DGAT2: variants seen among roughly 807,000 people sequenced by gnomAD.
DGAT2 encodes the protein diacylglycerol O-acyltransferase 2.
Under a neutral mutation model 48.4 loss-of-function variants are expected in DGAT2, and 33 were observed. The ratio of observed to expected loss-of-function variants is 0.68; its 90% CI spans 0.52 to 0.91. The LOEUF is 0.91. DGAT2 is among the 40% of genes least tolerant of loss of function. The pLI is 0.00. For missense variants in DGAT2, 446 were observed against 493.7 expected (o/e 0.90, Z 0.92); for synonymous variants, 191 against 194.1 (o/e 0.98, Z 0.13).
intron 4 of DGAT2, among the ~76,000 whole-genome samples, chr11:75,791,498 C>T (rs754820143): frequency 2.6e-5 from 4 of 152,166 alleles, no homozygotes; most frequent in Non-Finnish European, 5.9e-5. Context: ...CATCATAGGA[C>T]CCAACCCTCT....
intron 4 of DGAT2, chr11:75,795,640 G>A (rs575758157): frequency 4.8e-4 from 74 of 153,036 alleles, no homozygotes; most frequent in Middle Eastern, 3.4e-3. Context: ...CTGGCACAGG[G>A]CTGTCGCTTG....
intron 1 of DGAT2, among the ~76,000 whole-genome samples, chr11:75,774,657 A>G (rs1458531182): frequency 6.6e-6 from 1 of 152,160 alleles, no homozygotes; most frequent in Non-Finnish European, 1.5e-5. Context: ...TCTTGAGGTC[A>G]GCCACCTCCT....
At chr11:75,785,441 A>C (rs772290848) in intron 2 of DGAT2, among the ~76,000 whole-genome samples, 1 of 152,190 alleles carries the variant, frequency 6.6e-6, no homozygotes, top group Non-Finnish European at 1.5e-5. Flanking sequence ...GCTCCCTGCT[A>C]TCTCTCAGCA....
chr11:75,781,851 C>T (rs1180473136), intron 1 of DGAT2, among the ~76,000 whole-genome samples: 1 of 152,254 alleles, frequency 6.6e-6, no homozygotes, highest in East Asian at 1.9e-4. Flanking sequence ...AGATGGCGTG[C>T]GTTTCCTGCG....
chr11:75,783,227 G>A (rs1250254935), intron 1 of DGAT2, among the ~76,000 whole-genome samples: 1 of 152,174 alleles, frequency 6.6e-6, no homozygotes, highest in Non-Finnish European at 1.5e-5. Context: ...ATAGTGAGTA[G>A]AACCAAAGTC....
chr11:75,773,486 C>G (rs1342120531), intron 1 of DGAT2, among the ~76,000 whole-genome samples: 1 of 152,168 alleles, frequency 6.6e-6, no homozygotes, highest in Non-Finnish European at 1.5e-5. Flanking sequence ...AAAATAGGGT[C>G]AGAATTCTCA....
chr11:75,788,366 T>C (rs1944945304), intron 2 of DGAT2, among the ~76,000 whole-genome samples: 1 of 152,208 alleles, frequency 6.6e-6, no homozygotes, highest in African/African-American at 2.4e-5. Flanking sequence ...AACAGGCTCT[T>C]GTAGGCTGCA....
rs1257227970 is a variant in DGAT2, at chr11:75,796,485, C to T, written c.587C>T (p.Ala196Val). The change falls in exon 5 of 8, where the codon GCA (alanine) becomes GTA (valine). Residue 196 changes from alanine (A) to valine (V), a missense_variant. By Grantham distance (64) the Ala-to-Val change is moderately conservative. Transcript: ENST00000228027. ...PGIRPYLATL[A>V]GNFRMPVLRE... ...ATACGGCCTTACCTGGCTACACTGG[C>T]AGGCAACTTCCGAATGCCTGTGTTG... is the stretch of plus-strand genomic sequence containing the variant. The T allele has an allele frequency of 4.3e-6, 7 of 1,613,728 alleles. No homozygotes were observed. Among genetic ancestry groups the T allele is most frequent in the Non-Finnish European group, 5.9e-6 (7 of 1,180,030 alleles).
chr11:75,776,345 C>G (rs1565313663), intron 1 of DGAT2: 1 of 152,240 alleles, frequency 6.6e-6, no homozygotes, highest in Non-Finnish European at 1.5e-5. Context: ...AGACATGGTC[C>G]CTGCAAATGC....
At chr11:75,797,888 C>A (rs1034922383) in intron 6 of DGAT2, among the ~76,000 whole-genome samples, 1 of 152,132 alleles carries the variant, frequency 6.6e-6, no homozygotes, top group Non-Finnish European at 1.5e-5. Flanking sequence ...GAGTCCAGGG[C>A]TGAGAGAGGC....
intron 2 of DGAT2, among the ~76,000 whole-genome samples, chr11:75,788,874 C>T (rs1944952577): frequency 6.6e-6 from 1 of 152,200 alleles, no homozygotes; most frequent in African/African-American, 2.4e-5. Context: ...GGGAAATTCA[C>T]AGGCAAGAGA....
chr11:75,797,259 A>G lies in DGAT2; in HGVS notation c.736A>G (p.Ser246Gly), dbSNP rs985404193. The G allele has an allele frequency of 1.9e-6, 3 of 1,580,630 alleles. No homozygotes were observed. The highest frequency in any genetic ancestry group is 1.4e-5 in the African/African-American group (1 of 73,058). ...GGTCGGGGGTGCGGCTGAGTCTCTG[A>G]GCTCCATGCCTGGCAAGAATGCAGT... ...IVVGGAAESL[S>G]SMPGKNAVTL... Residue 246 changes from serine to glycine, a missense_variant, in exon 6 of 8, where the codon AGC (serine) becomes GGC (glycine). Physicochemically the swap from Ser to Gly is moderately conservative, Grantham distance 56 (BLOSUM62 0). Transcript: ENST00000228027.
rs376932526 is a variant in DGAT2, at chr11:75,797,176, G to A, written c.653G>A (p.Arg218Gln). Residue 218 changes from arginine (R) to glutamine (Q), a missense_variant, in exon 6 of 8, where the codon CGG becomes CAG. Physicochemically the swap from Arg to Gln is conservative, Grantham distance 43. Coordinates refer to ENST00000228027, the MANE Select transcript of DGAT2 (RefSeq NM_032564.5). ...CCCTCAGGTATCTGCCCTGTCAGCCGGGACACCATAGACTATTTGCTTTCA... is the reference window on the plus strand; with the variant it reads ...CCCTCAGGTATCTGCCCTGTCAGCCAGGACACCATAGACTATTTGCTTTCA... ...LMSGGICPVSRDTIDYLLSKN... is the reference protein window; with the variant it reads ...LMSGGICPVSQDTIDYLLSKN... 184 of 1,500,456 alleles carry A rather than the reference G, an allele frequency of 1.2e-4. 1 individual carries two copies. In the South Asian group the frequency reaches 2.1e-3, roughly 17 times the overall value. The allele number at this position is 1,500,456 out of a possible 1,614,324, so 92.9% of individuals were successfully genotyped here. A position where few individuals can be genotyped will look rare whatever the true frequency, so the allele number is the denominator to read the frequency against.
At chr11:75,796,900 C>T (rs1047849138) in intron 5 of DGAT2, 2 of 451,202 alleles carry the variant, frequency 4.4e-6, no homozygotes, top group Non-Finnish European at 7.8e-6. Flanking sequence ...ACCGACTTGG[C>T]AGAATTAGGG....
At chr11:75,777,959 A>G (rs1157840309) in intron 1 of DGAT2, among the ~76,000 whole-genome samples, 3 of 152,266 alleles carry the variant, frequency 2.0e-5, no homozygotes, top group Non-Finnish European at 4.4e-5. Context: ...TAAGCATCCT[A>G]ACTTAACTTT....
intron 5 of DGAT2, 126 bp from the exon 6 acceptor site, chr11:75,797,032 C>T: frequency 1.1e-6 from 1 of 950,388 alleles, no homozygotes; most frequent in Non-Finnish European, 1.5e-6. Context: ...CAGACAACTC[C>T]AAAGGGGCTG....
At chr11:75,771,588 C>A (rs1008607719) in intron 1 of DGAT2, among the ~76,000 whole-genome samples, 2 of 152,102 alleles carry the variant, frequency 1.3e-5, no homozygotes, top group Non-Finnish European at 2.9e-5. Context: ...AGTTCCACAT[C>A]ACTGTGGATC....
intron 4 of DGAT2, 133 bp from the exon 5 acceptor site, chr11:75,796,195 T>TGG: frequency 1.3e-6 from 1 of 742,174 alleles, no homozygotes; most frequent in Middle Eastern, 3.5e-4. Context: ...AGGTAAGGTG[T>TGG]GGAGATTCAT....
At chr11:75,796,799 G>C in intron 5 of DGAT2, 1 of 528,864 alleles carries the variant, frequency 1.9e-6, no homozygotes. Flanking sequence ...GTTGCCTTTT[G>C]TACAACCTGA....
Sources: allele counts gnomAD v4.1 joint callset (sites outside exome capture counted in the v4.1 genomes callset), GRCh38; gene constraint gnomAD v4.1.1; transcripts MANE v1.5; gene names NCBI Gene and HGNC (gene_info 2026-07-23, HGNC 2026-07-21).